MRC2: variants seen among roughly 807,000 people sequenced by gnomAD.
The protein encoded by MRC2 is C-type mannose receptor 2.
A neutral mutation model predicts 206.2 loss-of-function variants in MRC2; 84 were observed. The ratio of observed to expected loss-of-function variants is 0.41; its 90% CI spans 0.34 to 0.49. The LOEUF is 0.49. Among genes scored for constraint, MRC2 ranks in the 20% least tolerant of loss-of-function variants. The pLI is 0.31. For synonymous variants in MRC2, 798 were observed against 800.0 expected, an observed-to-expected ratio of 1.00 and a Z score of 0.04; for missense variants, 1,676 against 2,001.5, an observed-to-expected ratio of 0.84 and a Z score of 3.10.
chr17:62,677,472 CG>C lies in MRC2; in HGVS notation c.2040del (p.Tyr681IlefsTer32). 3 of 1,605,154 alleles carry C rather than the reference CG, an allele frequency of 1.9e-6. No homozygotes were observed. The highest frequency in any genetic ancestry group is 2.6e-6 in the Non-Finnish European group (3 of 1,174,856). ...GGGCTGGGCCTCGGACACCAAACTC[CG>C]GTATTGCTATAAGGTAGGGCAGCCT... is the stretch of plus-strand genomic sequence containing the variant. ...PQGWASDTKL[R>X]YCYKVFSSER... On this transcript the variant is annotated frameshift_variant, in exon 12 of 30. Coordinates refer to ENST00000303375, the MANE Select transcript of MRC2 (RefSeq NM_006039.5). LOFTEE classifies it high-confidence loss of function.
At chr17:62,635,817 T>G (rs1475497228) in intron 1 of MRC2, among the ~76,000 whole-genome samples, 1 of 151,246 alleles carries the variant, frequency 6.6e-6, no homozygotes, top group Non-Finnish European at 1.5e-5. Context: ...AGACGGAGTC[T>G]CGCTCTGTTG....
chr17:62,686,311 G>A lies in MRC2; in HGVS notation c.2947-1978G>A, dbSNP rs576846672. ...CTACTAAAAATACAAAAATTAGCCA[G>A]GTGTGGTGGTGGGCGCCTGTAATCC... On this transcript the variant is annotated intron_variant, in intron 20 of 29. Coordinates refer to ENST00000303375, the MANE Select transcript of MRC2 (RefSeq NM_006039.5). Among the ~76,000 whole-genome samples the A allele has an allele frequency of 3.9e-4, 59 of 152,266 alleles. 1 individual carries two copies. The Middle Eastern group carries it at 0.014, about 35-fold the overall frequency.
In MRC2 at chr17:62,680,487, G is replaced by A; in HGVS notation, c.2473+34G>A. The A allele has an allele frequency of 6.2e-7, 1 of 1,613,366 alleles. No individual in the cohort carries two copies. The highest frequency in any genetic ancestry group is 8.5e-7 in the Non-Finnish European group (1 of 1,179,684). On this transcript the variant is annotated intron_variant, in intron 16 of 29. Coordinates refer to ENST00000303375, the MANE Select transcript of MRC2 (RefSeq NM_006039.5). The surrounding 1 kb of genome is among the most constrained non-coding windows in gnomAD (Gnocchi z 4.8). ...CCCCCAGCCCATCCCGCTACCCATC[G>A]CGTGGGAGAGGGCGTCAACTCTGGG...
At chr17:62,691,960 C>T (rs1050102128) in intron 28 of MRC2, 152 bp from the exon 29 acceptor site, 3 of 1,013,956 alleles carry the variant, frequency 3.0e-6, no homozygotes, top group Non-Finnish European at 4.4e-6. Flanking sequence ...GGCCTGTGCC[C>T]CCACAGTAAC....
intron 22 of MRC2, 21 bp downstream of exon 22, chr17:62,688,685 C>A: frequency 6.2e-7 from 1 of 1,611,436 alleles, no homozygotes; most frequent in South Asian, 1.1e-5. Context: ...CCTCCCTGTT[C>A]CCCTCCGCAC....
chr17:62,638,606 C>T (rs1241164469), intron 1 of MRC2, among the ~76,000 whole-genome samples: 2 of 151,942 alleles, frequency 1.3e-5, no homozygotes, highest in African/African-American at 2.4e-5. Flanking sequence ...GGTGTGGCGA[C>T]GTGTGCCTGT....
Position 62,666,390 on chromosome 17 carries a change from G to C in MRC2, c.695-65G>C. The C allele has an allele frequency of 6.2e-7, 1 of 1,608,264 alleles. No homozygotes were observed. Among genetic ancestry groups the C allele is most frequent in the Non-Finnish European group, 8.5e-7 (1 of 1,178,060 alleles). ...CCTACCTAGTGTAGCCTTTTGGTGG[G>C]GGAGGGTCTGCACTCCCGAGGGACC... On this transcript the variant is annotated intron_variant, in intron 3 of 29. Coordinates refer to ENST00000303375, the MANE Select transcript of MRC2 (RefSeq NM_006039.5). This position sits in a 1 kb window ranked among gnomAD's most constrained non-coding sequence, Gnocchi z 5.0.
chr17:62,630,426 T>C (rs369189137), intron 1 of MRC2, among the ~76,000 whole-genome samples: 2 of 152,020 alleles, frequency 1.3e-5, no homozygotes, highest in Admixed American at 6.6e-5. Context: ...CGTCTGGAGA[T>C]TGGAGGCAGG....
chr17:62,672,291 C>A lies in MRC2; in HGVS notation c.1461+139C>A, dbSNP rs2088835831. On this transcript the variant is annotated intron_variant, in intron 8 of 29. Coordinates refer to ENST00000303375, the MANE Select transcript of MRC2 (RefSeq NM_006039.5). The surrounding 1 kb of genome is among the most constrained non-coding windows in gnomAD (Gnocchi z 4.5). ...CTCTCAGCAGTCCCCCTCCTCCCCACCAATGCCTTCCCTTCCATGTGAGAG... is the reference window on the plus strand; with the variant it reads ...CTCTCAGCAGTCCCCCTCCTCCCCAACAATGCCTTCCCTTCCATGTGAGAG... The A allele has an allele frequency of 1.0e-6, 1 of 956,966 alleles. No homozygotes were observed. 59.3% of individuals were successfully genotyped at this position (956,966 alleles called of 1,614,324 possible). A position where few individuals can be genotyped will look rare whatever the true frequency, so the allele number is the denominator to read the frequency against.
chr17:62,667,331 C>G lies in MRC2; in HGVS notation c.974-59C>G. The stretch of plus-strand genomic sequence containing the variant: ...AGGTAGGAGGTTCTGAGCAGGGCCC[C>G]GGGAGCCACGGTGTGAGCTTCTCTC... On this transcript the variant is annotated intron_variant, in intron 5 of 29. Coordinates refer to ENST00000303375, the MANE Select transcript of MRC2 (RefSeq NM_006039.5). The surrounding 1 kb of genome is among the most constrained non-coding windows in gnomAD (Gnocchi z 4.1). 1 of 1,520,978 alleles carries G rather than the reference C, an allele frequency of 6.6e-7. No homozygotes were observed. The highest frequency in any genetic ancestry group is 8.8e-7 in the Non-Finnish European group (1 of 1,136,244). The allele number at this position is 1,520,978 out of a possible 1,614,324, so 94.2% of individuals were successfully genotyped here. A position where few individuals can be genotyped will look rare whatever the true frequency, so the allele number is the denominator to read the frequency against.
intron 26 of MRC2, 124 bp from the exon 27 acceptor site, chr17:62,690,518 A>T: frequency 6.9e-7 from 1 of 1,442,560 alleles, no homozygotes. Flanking sequence ...ACACACACAC[A>T]TGAATCCACA....
At chr17:62,660,114 G>C (rs1473709722) in intron 1 of MRC2, among the ~76,000 whole-genome samples, 1 of 152,142 alleles carries the variant, frequency 6.6e-6, no homozygotes, top group African/African-American at 2.4e-5. Flanking sequence ...AAAATATGGT[G>C]ATTATGGTGA....
At chr17:62,676,195 G>A (rs2088889517) in intron 10 of MRC2, among the ~76,000 whole-genome samples, 188 bp from the exon 11 acceptor site, 2 of 152,160 alleles carry the variant, frequency 1.3e-5, no homozygotes, top group Non-Finnish European at 1.5e-5. Flanking sequence ...CAAAGCAAGG[G>A]GTGCAGAGAA....
At chr17:62,658,877 G>T (rs913099548) in intron 1 of MRC2, among the ~76,000 whole-genome samples, 1 of 152,212 alleles carries the variant, frequency 6.6e-6, no homozygotes, top group African/African-American at 2.4e-5. Flanking sequence ...GGAAGCTTGG[G>T]CAGGCATGGA....
intron 10 of MRC2, 85 bp from the exon 11 acceptor site, chr17:62,676,298 G>C: frequency 6.5e-7 from 1 of 1,547,182 alleles, no homozygotes; most frequent in Non-Finnish European, 8.7e-7. Context: ...TGCAGCACCC[G>C]AGCTCCCACG....
In MRC2 at chr17:62,681,861, C is replaced by T. The variant is rs1205473616; in HGVS notation, c.2727C>T (p.Asn909=). Residue 909 remains asparagine (N), a synonymous_variant, in exon 19 of 30, where the codon AAC becomes AAT. Transcript: ENST00000303375. The part of the protein sequence containing the change: ...RFRWTDGSII[N]FISWAPGKPR... ...GATGGACAGATGGTTCCATTATAAACTTCATCTCCTGGGCACCAGGCAAAC... is the reference window on the plus strand; with the variant it reads ...GATGGACAGATGGTTCCATTATAAATTTCATCTCCTGGGCACCAGGCAAAC... The T allele has an allele frequency of 6.2e-7, 1 of 1,613,756 alleles. No homozygotes were observed. The highest frequency in any genetic ancestry group is 8.5e-7 in the Non-Finnish European group (1 of 1,179,940).
intron 1 of MRC2, among the ~76,000 whole-genome samples, chr17:62,657,999 G>A (rs12103737): frequency 0.012 from 1,868 of 152,058 alleles, 29 homozygotes; most frequent in African/African-American, 0.042. Flanking sequence ...GCTCCTGCAC[G>A]CCTCTCCTCT....
chr17:62,643,905 GA>G (rs1471762178), intron 1 of MRC2, among the ~76,000 whole-genome samples: 3 of 152,038 alleles, frequency 2.0e-5, no homozygotes, highest in Non-Finnish European at 4.4e-5. Flanking sequence ...AATGTTAAGT[GA>G]AAAAAGATCC....
intron 11 of MRC2, among the ~76,000 whole-genome samples, chr17:62,677,034 AG>A (rs2088901346): frequency 6.6e-6 from 1 of 152,272 alleles, no homozygotes; most frequent in South Asian, 2.1e-4. Flanking sequence ...ATGATGAAGC[AG>A]GCTCGGTGAG....
Sources: allele counts gnomAD v4.1 joint callset (sites outside exome capture counted in the v4.1 genomes callset), GRCh38; gene constraint gnomAD v4.1.1; non-coding constraint Gnocchi (gnomAD v3.1); transcripts MANE v1.5; gene names NCBI Gene and HGNC (gene_info 2026-07-23, HGNC 2026-07-21).